Variants in STK33 observed in about 807,000 individuals in gnomAD.
The protein encoded by STK33 is serine/threonine kinase 33.
STK33 carries 52 observed loss-of-function variants against 58.0 expected under a neutral mutation model. The observed-to-expected ratio is 0.90, with a 90% CI of 0.72 to 1.13. The LOEUF (loss-of-function observed/expected upper bound fraction) is 1.13. Among genes scored for constraint, STK33 ranks in the 50% most tolerant of loss-of-function variants. The pLI is 0.00. For missense variants in STK33, 630 were observed against 604.2 expected, an observed-to-expected ratio of 1.04 and a Z score of -0.45; for synonymous variants, 215 against 200.1, an observed-to-expected ratio of 1.07 and a Z score of -0.63.
At chr11:8,503,241 G>C (rs1041844079) in intron 1 of STK33, among the ~76,000 whole-genome samples, 1 of 152,094 alleles carries the variant, frequency 6.6e-6, no homozygotes, top group African/African-American at 2.4e-5. Flanking sequence ...CGGTAGACTG[G>C]ATAAAGAAAA....
At chr11:8,422,247 A>T (rs191550314) in intron 14 of STK33, among the ~76,000 whole-genome samples, 1 of 152,226 alleles carries the variant, frequency 6.6e-6, no homozygotes, top group East Asian at 1.9e-4. Flanking sequence ...TAATATATTA[A>T]TGTGGGGATT....
intron 1 of STK33, among the ~76,000 whole-genome samples, chr11:8,517,176 C>T (rs1040268580): frequency 8.5e-5 from 13 of 152,182 alleles, no homozygotes; most frequent in Non-Finnish European, 1.6e-4. Flanking sequence ...CATTCTGCAA[C>T]ATTTGCTGTT....
the STK33 span, among the ~76,000 whole-genome samples, chr11:8,336,163 G>A: frequency 6.6e-6 from 1 of 152,202 alleles, no homozygotes; most frequent in Admixed American, 6.5e-5. Context: ...ACCTGCCCTC[G>A]TATGACCTTG....
chr11:8,538,023 C>G (rs1955188411), intron 1 of STK33, among the ~76,000 whole-genome samples: 3 of 151,770 alleles, frequency 2.0e-5, no homozygotes, highest in Non-Finnish European at 2.9e-5. Flanking sequence ...CTCGTCTCTA[C>G]CAAAAATACA....
intron 11 of STK33, among the ~76,000 whole-genome samples, chr11:8,449,484 G>T (rs532002827): frequency 2.0e-5 from 3 of 151,600 alleles, no homozygotes; most frequent in Non-Finnish European, 4.4e-5. Context: ...TCCTTTGTAG[G>T]GACATGGATG....
intron 12 of STK33, among the ~76,000 whole-genome samples, chr11:8,436,896 C>T (rs1944138087): frequency 6.6e-6 from 1 of 152,172 alleles, no homozygotes; most frequent in Non-Finnish European, 1.5e-5. Flanking sequence ...CAGGGTTTCA[C>T]CATGTTGGCC....
At chr11:8,357,228 C>A in the STK33 span, among the ~76,000 whole-genome samples, 12 of 152,350 alleles carry the variant, frequency 7.9e-5, no homozygotes, top group Non-Finnish European at 1.5e-4. Context: ...CCATCGGCTC[C>A]CTAATTAGCA....
At chr11:8,572,364 C>T (rs1017291280) in intron 1 of STK33, among the ~76,000 whole-genome samples, 7 of 152,166 alleles carry the variant, frequency 4.6e-5, no homozygotes, top group African/African-American at 7.2e-5. Context: ...TTTCAAGCAA[C>T]TTAACTGCAT....
At chr11:8,373,702 C>T in the STK33 span, among the ~76,000 whole-genome samples, 3 of 152,134 alleles carry the variant, frequency 2.0e-5, no homozygotes, top group Non-Finnish European at 2.9e-5. Context: ...CTCTTCACAG[C>T]GGGATCATCC....
chr11:8,379,907 GC>G, the STK33 span, among the ~76,000 whole-genome samples: 1 of 152,108 alleles, frequency 6.6e-6, no homozygotes, highest in Non-Finnish European at 1.5e-5. Context: ...GTGTTAGTTT[GC>G]CAAGGATAAT....
chr11:8,345,101 C>T, the STK33 span, among the ~76,000 whole-genome samples: 2 of 152,178 alleles, frequency 1.3e-5, no homozygotes, highest in South Asian at 2.1e-4. Flanking sequence ...CGCACCTTCC[C>T]TCTATGCTTG....
the STK33 span, among the ~76,000 whole-genome samples, chr11:8,356,731 C>G: frequency 8.2e-4 from 125 of 152,292 alleles, 1 homozygote; most frequent in African/African-American, 3.0e-3. Flanking sequence ...GCCGGAAGAC[C>G]CTCATCTCCG....
At chr11:8,371,611 T>C in the STK33 span, among the ~76,000 whole-genome samples, 2 of 147,276 alleles carry the variant, frequency 1.4e-5, no homozygotes, top group African/African-American at 5.0e-5. Flanking sequence ...TTCTCTTTCT[T>C]TCTCTTTCTT....
chr11:8,428,264 T>C (rs1187960211), intron 14 of STK33, among the ~76,000 whole-genome samples: 1 of 152,242 alleles, frequency 6.6e-6, no homozygotes, highest in East Asian at 1.9e-4. Flanking sequence ...GCTTCAGTGC[T>C]GCTCCGACTT....
chr11:8,447,651 C>T (rs1465927811), intron 11 of STK33, among the ~76,000 whole-genome samples: 1 of 152,134 alleles, frequency 6.6e-6, no homozygotes, highest in Non-Finnish European at 1.5e-5. Flanking sequence ...ATAATAAGAG[C>T]TATCTATGAC....
chr11:8,364,191 C>A, the STK33 span, among the ~76,000 whole-genome samples: 2 of 152,346 alleles, frequency 1.3e-5, no homozygotes, highest in Admixed American at 6.5e-5. Flanking sequence ...CTCTGCTGCA[C>A]ATGTGGAGCC....
At chr11:8,452,329 C>CA (rs1229112484) in intron 11 of STK33, among the ~76,000 whole-genome samples, 12 of 152,088 alleles carry the variant, frequency 7.9e-5, no homozygotes, top group Admixed American at 1.3e-4. Context: ...AGAGAAATAA[C>CA]AAAATTTTTT....
At chr11:8,427,294 A>C (rs1428937974) in intron 14 of STK33, among the ~76,000 whole-genome samples, 1 of 152,168 alleles carries the variant, frequency 6.6e-6, no homozygotes, top group African/African-American at 2.4e-5. Flanking sequence ...ATATTACTCC[A>C]GTTATTCTTG....
chr11:8,494,854 C>T (rs1463320119), intron 1 of STK33, among the ~76,000 whole-genome samples: 1 of 152,174 alleles, frequency 6.6e-6, no homozygotes, highest in Non-Finnish European at 1.5e-5. Flanking sequence ...AAAGGATTCC[C>T]TATTTAATAA....
Sources: gnomAD v4.1 joint callset for allele counts (sites outside exome capture counted in the v4.1 genomes callset) on GRCh38, gnomAD v4.1.1 for gene constraint, MANE v1.5 for transcripts, NCBI Gene and HGNC (gene_info 2026-07-23, HGNC 2026-07-21) for gene names.